Variants in GRK5 observed in about 807,000 individuals in gnomAD.
GRK5 encodes G protein-coupled receptor kinase 5.
In GRK5, 40 loss-of-function variants were observed where a neutral mutation model predicts 78.4. The ratio of observed to expected loss-of-function variants is 0.51; its 90% CI spans 0.40 to 0.66. The LOEUF (loss-of-function observed/expected upper bound fraction) is 0.66. Among genes scored for constraint, GRK5 ranks in the 30% least tolerant of loss-of-function variants. The pLI, the probability that GRK5 is intolerant of heterozygous loss-of-function variation, is 0.00. For synonymous variants in GRK5, 289 were observed against 296.8 expected (o/e 0.97, Z 0.27); for missense variants, 598 against 759.9 (o/e 0.79, Z 2.50).
At chr10:119,358,721 C>T (rs577310583) in intron 2 of GRK5, among the ~76,000 whole-genome samples, 160 of 152,316 alleles carry the variant, frequency 1.1e-3, no homozygotes, top group Non-Finnish European at 1.8e-3. Flanking sequence ...GGATCATCCA[C>T]TTTGTATTAG....
intron 2 of GRK5, chr10:119,334,704 A>G (rs1473211130): frequency 1.3e-5 from 2 of 152,216 alleles, no homozygotes; most frequent in East Asian, 3.8e-4. Flanking sequence ...TCATTAAAAA[A>G]AGTCTGAGGG....
chr10:119,431,505 A>C lies in GRK5; in HGVS notation c.716A>C (p.Glu239Ala). The C allele has an allele frequency of 6.2e-7, 1 of 1,613,862 alleles. No homozygotes were observed. The highest frequency in any genetic ancestry group is 8.5e-7 in the Non-Finnish European group (1 of 1,179,856). Residue 239 changes from glutamate to alanine, a missense_variant, in exon 8 of 16, where the codon GAG (glutamate) becomes GCG (alanine). Physicochemically the swap from Glu to Ala is moderately radical, Grantham distance 107 (BLOSUM62 -1). Coordinates refer to ENST00000392870, the MANE Select transcript of GRK5 (RefSeq NM_005308.3). This position sits in a 1 kb window ranked among gnomAD's most constrained non-coding sequence, Gnocchi z 4.8. ...SMALNEKQIL[E>A]KVNSQFVVNL... is the part of the protein sequence containing the mutation. ...GCCCTCAATGAGAAGCAGATCCTCG[A>C]GAAGGTCAACAGTCAGTTTGTGGTG...
chr10:119,231,724 GAAAA>G (rs941642401), intron 1 of GRK5, among the ~76,000 whole-genome samples: 1 of 142,418 alleles, frequency 7.0e-6, no homozygotes, highest in Non-Finnish European at 1.5e-5. Context: ...AAAAAAAAAA[GAAAA>G]AAAACTCAAC....
intron 1 of GRK5, among the ~76,000 whole-genome samples, chr10:119,260,968 C>T (rs1221350049): frequency 3.3e-5 from 5 of 151,512 alleles, no homozygotes; most frequent in African/African-American, 4.8e-5. Context: ...CTCCTCACTT[C>T]CCAGTAGGGG....
chr10:119,443,868 G>A, intron 12 of GRK5, 116 bp downstream of exon 12: 10 of 898,616 alleles, frequency 1.1e-5, no homozygotes, highest in Non-Finnish European at 1.7e-5. Context: ...CTGAGCATGG[G>A]GGTGGGGGTT....
At chr10:119,402,063 A>G (rs1852160370) in intron 4 of GRK5, among the ~76,000 whole-genome samples, 1 of 152,142 alleles carries the variant, frequency 6.6e-6, no homozygotes, top group Non-Finnish European at 1.5e-5. Context: ...GGGATGAAGG[A>G]GGCACAGAAG....
At chr10:119,244,985 A>T (rs775341785) in intron 1 of GRK5, among the ~76,000 whole-genome samples, 2 of 152,284 alleles carry the variant, frequency 1.3e-5, no homozygotes, top group Non-Finnish European at 1.5e-5. Context: ...TTTTTATCCA[A>T]AAGAATTCAA....
intron 1 of GRK5, among the ~76,000 whole-genome samples, chr10:119,280,297 G>C (rs1024393984): frequency 6.6e-6 from 1 of 152,208 alleles, no homozygotes; most frequent in South Asian, 2.1e-4. Context: ...AGTTAGTGCC[G>C]TAACACACAC....
At position 119,452,678 on chromosome 10, in the gene GRK5, C is replaced by A; in HGVS notation, c.1412C>A (p.Ala471Asp). 1 of 1,614,100 alleles carries A rather than the reference C, an allele frequency of 6.2e-7. No homozygotes were observed. Among genetic ancestry groups the A allele is most frequent in the Non-Finnish European group, 8.5e-7 (1 of 1,180,044 alleles). The change falls in exon 14 of 16, where the codon GCT (alanine) becomes GAT (aspartate). Residue 471 changes from alanine (A) to aspartate (D), a missense_variant. By Grantham distance (126) the Ala-to-Asp change is moderately radical (BLOSUM62 -2). Transcript: ENST00000392870. The surrounding 1 kb of genome is among the most constrained non-coding windows in gnomAD (Gnocchi z 4.4). ...LDPPFVPDPR[A>D]VYCKDVLDIE... ...GCCCTCTGCCCCTGGCAGCCCCGCG[C>A]TGTGTACTGTAAGGACGTGCTGGAC...
At chr10:119,397,845 C>G (rs1040414423) in intron 4 of GRK5, among the ~76,000 whole-genome samples, 2 of 152,264 alleles carry the variant, frequency 1.3e-5, no homozygotes, top group Non-Finnish European at 2.9e-5. Context: ...CCACTCTGGA[C>G]AGCCTGCTAG....
chr10:119,419,191 A>G (rs1009733639), intron 4 of GRK5, among the ~76,000 whole-genome samples: 2 of 152,192 alleles, frequency 1.3e-5, no homozygotes, highest in Admixed American at 6.5e-5. Context: ...TGAAAGACCC[A>G]GTGGATGGAT....
intron 2 of GRK5, among the ~76,000 whole-genome samples, chr10:119,344,604 CCT>C (rs1187216769): frequency 6.6e-6 from 1 of 152,204 alleles, no homozygotes; most frequent in African/African-American, 2.4e-5. Flanking sequence ...TGCTGTCTGT[CCT>C]CTCTTTCCCC....
intron 1 of GRK5, among the ~76,000 whole-genome samples, chr10:119,286,211 C>T (rs1849844524): frequency 2.0e-5 from 3 of 152,164 alleles, no homozygotes; most frequent in African/African-American, 7.2e-5. Context: ...AATGAACACC[C>T]TGTACCCTGC....
intron 2 of GRK5, among the ~76,000 whole-genome samples, chr10:119,329,022 C>G (rs1356584390): frequency 6.6e-6 from 1 of 152,186 alleles, no homozygotes; most frequent in African/African-American, 2.4e-5. Flanking sequence ...GTAGTTGGTG[C>G]CTGCCTCACA....
rs1853429256 is a variant in GRK5, at chr10:119,458,199, A to AGACAT, written c.*3134_*3138dup. ...TCACTGACTTCGTGACTTTGAGGTGAGACATGGGATCTCTCAGAAGCGTCT... is the reference window on the plus strand; with the variant it reads ...TCACTGACTTCGTGACTTTGAGGTGAGACATGACATGGGATCTCTCAGAAGCGTCT... On this transcript the variant is annotated 3_prime_UTR_variant, in exon 16 of 16. Coordinates refer to ENST00000392870, the MANE Select transcript of GRK5 (RefSeq NM_005308.3). 1 of 152,118 alleles carries AGACAT rather than the reference A, an allele frequency of 6.6e-6. No homozygotes were observed. The highest frequency in any genetic ancestry group is 2.4e-5 in the African/African-American group (1 of 41,400). The allele number at this position is 152,118 out of a possible 1,614,324, so 9.4% of individuals were successfully genotyped here. A position where few individuals can be genotyped will look rare whatever the true frequency, so the allele number is the denominator to read the frequency against.
At chr10:119,377,149 G>A (rs77321422) in intron 2 of GRK5, among the ~76,000 whole-genome samples, 14,785 of 152,216 alleles carry the variant, frequency 0.097, 894 homozygotes, top group Middle Eastern at 0.19. Context: ...ACACTTTGGA[G>A]AAAGATTGTG....
chr10:119,343,191 T>G (rs1166409519), intron 2 of GRK5, among the ~76,000 whole-genome samples: 1 of 152,068 alleles, frequency 6.6e-6, no homozygotes, highest in Non-Finnish European at 1.5e-5. Flanking sequence ...TCTTCAGTAC[T>G]AAGAGCCCAA....
At chr10:119,449,853 A>AG (rs1853240164) in intron 13 of GRK5, among the ~76,000 whole-genome samples, 1 of 152,218 alleles carries the variant, frequency 6.6e-6, no homozygotes, top group South Asian at 2.1e-4. Flanking sequence ...TTGAGCAGGC[A>AG]GGGGGAGGAT....
chr10:119,249,197 G>A (rs1442202936), intron 1 of GRK5, among the ~76,000 whole-genome samples: 4 of 148,254 alleles, frequency 2.7e-5, no homozygotes, highest in Non-Finnish European at 6.0e-5. Flanking sequence ...CTTGAACCCA[G>A]GAAGCGGAGG....
Sources: gnomAD v4.1 joint callset for allele counts (sites outside exome capture counted in the v4.1 genomes callset) on GRCh38, gnomAD v4.1.1 for gene constraint, Gnocchi (gnomAD v3.1) non-coding constraint, MANE v1.5 for transcripts, NCBI Gene and HGNC (gene_info 2026-07-23, HGNC 2026-07-21) for gene names.